SIPA1L1: variants seen among roughly 807,000 people sequenced by gnomAD.
SIPA1L1 encodes the protein signal-induced proliferation-associated 1-like protein 1.
Under a neutral mutation model 162.7 loss-of-function variants are expected in SIPA1L1, and 26 were observed. The observed-to-expected ratio is 0.16, with a 90% CI of 0.12 to 0.22. The LOEUF is 0.22. Among genes scored for constraint, SIPA1L1 ranks in the 10% least tolerant of loss-of-function variants. The pLI is 1.00. For synonymous variants in SIPA1L1, 829 were observed against 837.4 expected (o/e 0.99, Z 0.17); for missense variants, 1,874 against 2,241.0 (o/e 0.84, Z 3.31).
At chr14:71,388,107 G>A (rs1255387475) in intron 2 of SIPA1L1, among the ~76,000 whole-genome samples, 2 of 152,210 alleles carry the variant, frequency 1.3e-5, no homozygotes, top group African/African-American at 4.8e-5. Context: ...TGACTCTGGT[G>A]TGCAGAAAAT....
intron 2 of SIPA1L1, among the ~76,000 whole-genome samples, chr14:71,489,884 AG>A (rs1331409886): frequency 6.6e-6 from 1 of 152,204 alleles, no homozygotes; most frequent in Non-Finnish European, 1.5e-5. Context: ...GACTAGTGGC[AG>A]CTCTCACGGG....
intron 2 of SIPA1L1, among the ~76,000 whole-genome samples, chr14:71,508,969 A>ATT (rs2050895190): frequency 6.6e-6 from 1 of 152,158 alleles, no homozygotes; most frequent in Non-Finnish European, 1.5e-5. Flanking sequence ...AGTAGTGTAG[A>ATT]TTTTCCCATA....
At chr14:71,556,047 TTGGAAAAATA>T (rs1188937914) in intron 4 of SIPA1L1, among the ~76,000 whole-genome samples, 2 of 152,136 alleles carry the variant, frequency 1.3e-5, no homozygotes, top group African/African-American at 2.4e-5. Context: ...GCACATGCTG[TTGGAAAAATA>T]GCACTGACAG....
intron 13 of SIPA1L1, among the ~76,000 whole-genome samples, chr14:71,693,703 G>A (rs1426744336): frequency 2.0e-5 from 3 of 151,192 alleles, no homozygotes; most frequent in Non-Finnish European, 4.4e-5. Context: ...TTGTTGTAGA[G>A]ATTTTTCTTT....
chr14:71,707,515 A>G (rs1037070216), intron 16 of SIPA1L1, among the ~76,000 whole-genome samples: 1 of 152,064 alleles, frequency 6.6e-6, no homozygotes, highest in Non-Finnish European at 1.5e-5. Context: ...CTCTCTCTGG[A>G]TTTGCCTACT....
At chr14:71,437,394 G>A (rs111902599) in intron 2 of SIPA1L1, among the ~76,000 whole-genome samples, 2,786 of 152,218 alleles carry the variant, frequency 0.018, 34 homozygotes, top group African/African-American at 0.028. Flanking sequence ...TTGAGGCAGA[G>A]TCTCGTTCTG....
chr14:71,675,274 C>G (rs974457170), intron 12 of SIPA1L1, among the ~76,000 whole-genome samples: 11 of 152,144 alleles, frequency 7.2e-5, no homozygotes, highest in African/African-American at 2.7e-4. Flanking sequence ...CACTTGGGTG[C>G]CAGGAGGGGA....
rs140390708 is a variant in SIPA1L1 at position 71,607,097 on chromosome 14, G to T, written c.1499-11660G>T. Among the ~76,000 whole-genome samples, 820 of 151,964 alleles carry T rather than the reference G, an allele frequency of 5.4e-3. 6 individuals carry two copies. Among genetic ancestry groups the T allele is most frequent in the Non-Finnish European group, 8.3e-3 (564 of 67,956 alleles). On this transcript the variant is annotated intron_variant, in intron 5 of 23. Transcript: ENST00000381232. ...GTAGGCAATTGTGAGGGTAGTAAATGATTTTCAGGGGGAATGAATGAGCCC... is the reference window on the plus strand; with the variant it reads ...GTAGGCAATTGTGAGGGTAGTAAATTATTTTCAGGGGGAATGAATGAGCCC...
At chr14:71,646,175 C>G (rs1014822858) in intron 7 of SIPA1L1, among the ~76,000 whole-genome samples, 1 of 150,704 alleles carries the variant, frequency 6.6e-6, no homozygotes, top group Non-Finnish European at 1.5e-5. Context: ...TTCTTTCTTT[C>G]TACTTTTTTT....
At chr14:71,555,536 T>C (rs1029883123) in intron 4 of SIPA1L1, among the ~76,000 whole-genome samples, 6 of 152,234 alleles carry the variant, frequency 3.9e-5, no homozygotes, top group Non-Finnish European at 7.3e-5. Context: ...TGCTTTCTTA[T>C]CATTTATGTG....
At chr14:71,613,532 G>T (rs931745296) in intron 5 of SIPA1L1, among the ~76,000 whole-genome samples, 9 of 152,102 alleles carry the variant, frequency 5.9e-5, no homozygotes, top group African/African-American at 2.2e-4. Context: ...CTGTATTTCA[G>T]TTCATCCATC....
intron 2 of SIPA1L1, among the ~76,000 whole-genome samples, chr14:71,415,383 T>C (rs1309429339): frequency 2.6e-5 from 4 of 152,206 alleles, no homozygotes; most frequent in African/African-American, 9.6e-5. Flanking sequence ...TTTTTAGATA[T>C]CTGTAATTTT....
chr14:71,613,844 A>G (rs1698880937), intron 5 of SIPA1L1, among the ~76,000 whole-genome samples: 1 of 149,094 alleles, frequency 6.7e-6, no homozygotes, highest in South Asian at 2.1e-4. Flanking sequence ...GTGTAGACAT[A>G]CTGCCCGGGG....
intron 13 of SIPA1L1, among the ~76,000 whole-genome samples, chr14:71,689,596 A>G (rs2081109672): frequency 1.3e-5 from 2 of 152,212 alleles, no homozygotes; most frequent in African/African-American, 4.8e-5. Flanking sequence ...GAGCTATTTG[A>G]GGGGCTTTGG....
At chr14:71,618,657 A>T (rs908025150) in intron 5 of SIPA1L1, 100 bp from the exon 6 acceptor site, 2 of 1,062,668 alleles carry the variant, frequency 1.9e-6, no homozygotes, top group Admixed American at 2.4e-5. Flanking sequence ...CATTTTATTG[A>T]TAAAATTTCT....
intron 7 of SIPA1L1, among the ~76,000 whole-genome samples, chr14:71,641,083 TA>T (rs2041664695): frequency 6.6e-6 from 1 of 151,256 alleles, no homozygotes; most frequent in Non-Finnish European, 1.5e-5. Context: ...CATAGAAAAA[TA>T]CAGAAAAATG....
intron 2 of SIPA1L1, among the ~76,000 whole-genome samples, chr14:71,411,332 G>A (rs867090929): frequency 3.9e-5 from 6 of 152,064 alleles, no homozygotes; most frequent in Non-Finnish European, 2.9e-5. Flanking sequence ...ATTTCATATC[G>A]TGCACTACAA....
intron 2 of SIPA1L1, among the ~76,000 whole-genome samples, chr14:71,472,072 G>A (rs537368902): frequency 6.6e-6 from 1 of 152,218 alleles, no homozygotes; most frequent in South Asian, 2.1e-4. Context: ...GCTGAGAGAT[G>A]AGAGCACTCT....
intron 2 of SIPA1L1, among the ~76,000 whole-genome samples, chr14:71,458,537 G>A (rs2046349054): frequency 6.6e-6 from 1 of 152,100 alleles, no homozygotes. Flanking sequence ...GTAGAACAAG[G>A]CTGCGACTTT....
Sources: allele counts gnomAD v4.1 joint callset (sites outside exome capture counted in the v4.1 genomes callset), GRCh38; gene constraint gnomAD v4.1.1; transcripts MANE v1.5; gene names NCBI Gene and HGNC (gene_info 2026-07-23, HGNC 2026-07-21).